The following RGP1 variants were observed in gnomAD, a reference collection of about 807,000 sequenced individuals.
The protein encoded by RGP1 is RAB6A-GEF complex partner protein 2.
Under a neutral mutation model 44.5 loss-of-function variants are expected in RGP1, and 28 were observed. The observed-to-expected ratio is 0.63, with a 90% CI of 0.47 to 0.86. The LOEUF is 0.86. Ranked by LOEUF, RGP1 falls within the 40% of genes least tolerant of loss-of-function variation. The pLI, the probability that RGP1 is intolerant of heterozygous loss-of-function variation, is 0.00. For synonymous variants in RGP1, 212 were observed against 196.7 expected (o/e 1.08, Z -0.65); for missense variants, 417 against 490.7 (o/e 0.85, Z 1.42).
chr9:35,753,272 T>C lies in RGP1; in HGVS notation c.*398T>C, dbSNP rs1333780344. ...ACACCCAGCCGGGAAGTCGATGGGA[T>C]GCTGGGACCTGGGGAACCAAGGATA... On this transcript the variant is annotated 3_prime_UTR_variant, in exon 9 of 9. Transcript: ENST00000378078. This position sits in a 1 kb window ranked among gnomAD's most constrained non-coding sequence, Gnocchi z 4.2. The C allele has an allele frequency of 1.2e-6, 2 of 1,613,416 alleles. No individual in the cohort carries two copies. Among genetic ancestry groups the C allele is most frequent in the African/African-American group, 2.7e-5 (2 of 74,900 alleles).
downstream of RGP1, among the ~76,000 whole-genome samples, chr9:35,760,886 T>A (rs1271835252): frequency 6.6e-6 from 1 of 152,246 alleles, no homozygotes; most frequent in Non-Finnish European, 1.5e-5. Flanking sequence ...CCAAGACAAC[T>A]GGAGCACAGG....
the RGP1 span, among the ~76,000 whole-genome samples, chr9:35,785,917 A>G: frequency 1.3e-5 from 2 of 152,064 alleles, no homozygotes; most frequent in African/African-American, 2.4e-5. Flanking sequence ...ATCCTAGATT[A>G]GACACTTCAG....
intron 3 of RGP1, 75 bp from the exon 4 acceptor site, chr9:35,750,583 A>G (rs565024560): frequency 7.3e-6 from 11 of 1,513,136 alleles, no homozygotes; most frequent in South Asian, 3.4e-5. Context: ...GCCTTTCACT[A>G]TCTCCACTTG....
At chr9:35,781,803 T>C in the RGP1 span, among the ~76,000 whole-genome samples, 2 of 152,014 alleles carry the variant, frequency 1.3e-5, no homozygotes, top group Non-Finnish European at 2.9e-5. Context: ...TCCAGTATCT[T>C]TCTTTATGGA....
chr9:35,774,288 C>CTG, the RGP1 span, among the ~76,000 whole-genome samples: 1 of 152,232 alleles, frequency 6.6e-6, no homozygotes, highest in Admixed American at 6.5e-5. Flanking sequence ...GAGAGACTGA[C>CTG]TGTGCTCAGC....
chr9:35,787,991 C>G, the RGP1 span, among the ~76,000 whole-genome samples: 3 of 152,190 alleles, frequency 2.0e-5, no homozygotes, highest in Non-Finnish European at 4.4e-5. Context: ...GAGGCATGAT[C>G]TGGTGTAGAA....
chr9:35,781,609 GT>G, the RGP1 span, among the ~76,000 whole-genome samples: 11 of 152,068 alleles, frequency 7.2e-5, no homozygotes, highest in Non-Finnish European at 1.2e-4. Flanking sequence ...GTTAATCCTT[GT>G]ACCTTGACAC....
In RGP1 at chr9:35,753,846, C is replaced by A; in HGVS notation, c.*972C>A. The A allele has an allele frequency of 6.6e-7, 1 of 1,526,078 alleles. No individual in the cohort carries two copies. Among genetic ancestry groups the A allele is most frequent in the South Asian group, 1.2e-5 (1 of 86,108 alleles). The allele number at this position is 1,526,078 out of a possible 1,614,324, so 94.5% of individuals were successfully genotyped here. A position where few individuals can be genotyped will look rare whatever the true frequency, so the allele number is the denominator to read the frequency against. ...AGGCTCTTCTGGTCTGGGGTGGAGA[C>A]AGTAAGTACGCACTATCCCCGTATT... On this transcript the variant is annotated 3_prime_UTR_variant, in exon 9 of 9. Coordinates refer to ENST00000378078, the MANE Select transcript of RGP1 (RefSeq NM_001080496.3). The surrounding 1 kb of genome is among the most constrained non-coding windows in gnomAD (Gnocchi z 4.2).
the RGP1 span, among the ~76,000 whole-genome samples, chr9:35,780,862 C>T: frequency 6.6e-6 from 1 of 152,034 alleles, no homozygotes; most frequent in African/African-American, 2.4e-5. Context: ...CACTGCACTC[C>T]AGCCTGGGTA....
At chr9:35,788,567 A>G in the RGP1 span, among the ~76,000 whole-genome samples, 1 of 143,436 alleles carries the variant, frequency 7.0e-6, no homozygotes, top group Non-Finnish European at 1.5e-5. Context: ...CTCTGTCTCA[A>G]AAAAAGAAAA....
In RGP1 at chr9:35,753,559, T is replaced by C. The variant is rs1344207182; in HGVS notation, c.*685T>C. 1.3e-5 allele frequency: 13 copies of C among 1,030,882 alleles called. 1 individual carries two copies. The Admixed American group carries it at 2.8e-4, about 22-fold the overall frequency. 63.9% of individuals were successfully genotyped at this position (1,030,882 alleles called of 1,614,324 possible). ...TCAGGTTTGGCCCATCTTGTATTGC[T>C]CTTCTGTTCATTCTTACATCACAGC... On this transcript the variant is annotated 3_prime_UTR_variant, in exon 9 of 9. Coordinates refer to ENST00000378078, the MANE Select transcript of RGP1 (RefSeq NM_001080496.3). The surrounding 1 kb of genome is among the most constrained non-coding windows in gnomAD (Gnocchi z 4.2).
the RGP1 span, among the ~76,000 whole-genome samples, chr9:35,768,761 G>T: frequency 6.6e-6 from 1 of 152,172 alleles, no homozygotes; most frequent in Non-Finnish European, 1.5e-5. Context: ...CTGCTATGAA[G>T]TCCCCTTCCC....
chr9:35,750,130 A>T lies in RGP1; in HGVS notation c.117-113A>T. ...TCTCTTTGGGATTGTGGATTTCCTG[A>T]TCACTAGGACAGCCATCTAACCTTG... On this transcript the variant is annotated intron_variant, in intron 2 of 8. Coordinates refer to ENST00000378078, the MANE Select transcript of RGP1 (RefSeq NM_001080496.3). The T allele has an allele frequency of 7.0e-6, 10 of 1,419,108 alleles. No individual in the cohort carries two copies. In the South Asian group the frequency reaches 1.4e-4, roughly 20 times the overall value. The allele number at this position is 1,419,108 out of a possible 1,614,324, so 87.9% of individuals were successfully genotyped here.
Position 35,751,761 on chromosome 9 carries a change from A to G in RGP1, c.762+7A>G, listed in dbSNP as rs1827269332. On this transcript the variant is annotated splice_region_variant and intron_variant, in intron 7 of 8. Transcript: ENST00000378078. ...AACCGTAGCTTGTTTGCAGGTAAGA[A>G]GGGAGCAGAGCTTCTTACCTGCTGG... 6.2e-7 allele frequency: 1 copy of G among 1,613,812 alleles called. No individual in the cohort carries two copies. Among genetic ancestry groups the G allele is most frequent in the Non-Finnish European group, 8.5e-7 (1 of 1,179,880 alleles).
At chr9:35,790,111 G>A in the RGP1 span, 1 of 145,392 alleles carries the variant, frequency 6.9e-6, no homozygotes, top group Admixed American at 7.0e-5. Flanking sequence ...ATGTTGTCTC[G>A]TCATTCTTTT....
chr9:35,753,389 G>T lies in RGP1; in HGVS notation c.*515G>T. 1 of 1,258,836 alleles carries T rather than the reference G, an allele frequency of 7.9e-7. No individual in the cohort carries two copies. The highest frequency in any genetic ancestry group is 1.1e-6 in the Non-Finnish European group (1 of 912,154). 78.0% of individuals were successfully genotyped at this position (1,258,836 alleles called of 1,614,324 possible). On this transcript the variant is annotated 3_prime_UTR_variant, in exon 9 of 9. Coordinates refer to ENST00000378078, the MANE Select transcript of RGP1 (RefSeq NM_001080496.3). This position sits in a 1 kb window ranked among gnomAD's most constrained non-coding sequence, Gnocchi z 4.2. ...TTCCCCCCACAGAGCCCCTTTCAGT[G>T]GCCCCTTGGTCCTCCTAACTAAGCT...
the RGP1 span, among the ~76,000 whole-genome samples, chr9:35,778,196 G>A: frequency 6.6e-6 from 1 of 152,140 alleles, no homozygotes; most frequent in East Asian, 1.9e-4. Context: ...CAGCTACTCG[G>A]GAGGCTGAGG....
the RGP1 span, among the ~76,000 whole-genome samples, chr9:35,789,609 G>C: frequency 2.0e-5 from 3 of 149,564 alleles, no homozygotes; most frequent in Non-Finnish European, 4.5e-5. Flanking sequence ...ACATAATGAA[G>C]AATAGTCCTT....
chr9:35,753,636 C>T lies in RGP1; in HGVS notation c.*762C>T, dbSNP rs772834908. 1.9e-6 allele frequency: 3 copies of T among 1,581,464 alleles called. No homozygotes were observed. Among genetic ancestry groups the T allele is most frequent in the Non-Finnish European group, 2.6e-6 (3 of 1,151,656 alleles). ...CAGTCACTCATATCAGAGTCATTCT[C>T]TCTGGCCATCTTTGGTCACTCACGT... On this transcript the variant is annotated 3_prime_UTR_variant, in exon 9 of 9. Transcript: ENST00000378078. The surrounding 1 kb of genome is among the most constrained non-coding windows in gnomAD (Gnocchi z 4.2).
Sources: gnomAD v4.1 joint callset for allele counts (sites outside exome capture counted in the v4.1 genomes callset) on GRCh38, gnomAD v4.1.1 for gene constraint, Gnocchi (gnomAD v3.1) non-coding constraint, MANE v1.5 for transcripts, NCBI Gene and HGNC (gene_info 2026-07-23, HGNC 2026-07-21) for gene names.